MAP3K13: variants seen among roughly 807,000 people sequenced by gnomAD.
The protein encoded by MAP3K13 is mitogen-activated protein kinase kinase kinase 13, also known as leucine zipper-bearing kinase.
A neutral mutation model predicts 104.0 loss-of-function variants in MAP3K13; 52 were observed. The observed-to-expected ratio is 0.50, with a 90% CI of 0.40 to 0.63. The LOEUF (loss-of-function observed/expected upper bound fraction) is 0.63. Among genes scored for constraint, MAP3K13 ranks in the 20% least tolerant of loss-of-function variants. The pLI is 0.00. For missense variants in MAP3K13, 914 were observed against 1,218.5 expected, an observed-to-expected ratio of 0.75 and a Z score of 3.72; for synonymous variants, 394 against 442.2, an observed-to-expected ratio of 0.89 and a Z score of 1.37.
intron 1 of MAP3K13, among the ~76,000 whole-genome samples, chr3:185,363,830 A>G (rs1723748815): frequency 6.6e-6 from 1 of 152,204 alleles, no homozygotes; most frequent in South Asian, 2.1e-4. Flanking sequence ...TTTGTTTCAT[A>G]TTGTGTAACA....
At chr3:185,406,819 A>G (rs9842230) in intron 1 of MAP3K13, among the ~76,000 whole-genome samples, 131,999 of 152,172 alleles carry the variant, frequency 0.87, 57,592 homozygotes, top group African/African-American at 0.96. Context: ...GTCTTCTGAG[A>G]TTGAATGGAT....
chr3:185,488,513 G>A lies in MAP3K13; in HGVS notation c.*6057G>A, dbSNP rs1021463245. The A allele has an allele frequency of 3.9e-5, 6 of 152,282 alleles. No individual in the cohort carries two copies. Among genetic ancestry groups the A allele is most frequent in the African/African-American group, 1.4e-4 (6 of 41,470 alleles). The allele number at this position is 152,282 out of a possible 1,614,324, so 9.4% of individuals were successfully genotyped here. A position where few individuals can be genotyped will look rare whatever the true frequency, so the allele number is the denominator to read the frequency against. On this transcript the variant is annotated 3_prime_UTR_variant, in exon 14 of 14. Transcript: ENST00000265026. ...CACTGCTCTGAGAAACAGGAGGTGG[G>A]TTAAGGCTTTTGTTAACTGTCATGT... is the stretch of plus-strand genomic sequence containing the variant.
chr3:185,428,445 G>A, intron 1 of MAP3K13, 52 bp from the exon 2 acceptor site: 3 of 1,164,948 alleles, frequency 2.6e-6, no homozygotes, highest in East Asian at 2.6e-5. Context: ...AAGTGTCGTA[G>A]TGTGCATACT....
At chr3:185,296,309 T>C (rs1356393244) in intron 2 of MAP3K13, among the ~76,000 whole-genome samples, 3 of 152,142 alleles carry the variant, frequency 2.0e-5, no homozygotes, top group African/African-American at 7.2e-5. Context: ...CAAGTCCTTA[T>C]AATGGTCTCC....
At chr3:185,477,592 A>G (rs1315713879) in intron 12 of MAP3K13, among the ~76,000 whole-genome samples, 196 bp downstream of exon 12, 2 of 152,232 alleles carry the variant, frequency 1.3e-5, no homozygotes, top group Non-Finnish European at 2.9e-5. Flanking sequence ...GTTCATTAGC[A>G]TTCATTTTAC....
At chr3:185,449,461 T>C (rs1387096085) in intron 5 of MAP3K13, among the ~76,000 whole-genome samples, 1 of 152,112 alleles carries the variant, frequency 6.6e-6, no homozygotes, top group Non-Finnish European at 1.5e-5. Context: ...GTTTCATTTT[T>C]CTATTTAAAT....
intron 1 of MAP3K13, among the ~76,000 whole-genome samples, chr3:185,399,511 G>A (rs1207812707): frequency 2.0e-5 from 3 of 151,358 alleles, no homozygotes; most frequent in Non-Finnish European, 4.4e-5. Context: ...GGGAGGCTGA[G>A]GTAGGAGAAT....
intron 1 of MAP3K13, among the ~76,000 whole-genome samples, chr3:185,386,971 G>T (rs1206608757): frequency 6.6e-6 from 1 of 152,134 alleles, no homozygotes; most frequent in Non-Finnish European, 1.5e-5. Context: ...AATGCCTGGG[G>T]AATGGGATGA....
intron 2 of MAP3K13, among the ~76,000 whole-genome samples, chr3:185,313,466 T>A (rs1299932797): frequency 6.6e-6 from 1 of 151,854 alleles, no homozygotes; most frequent in Non-Finnish European, 1.5e-5. Flanking sequence ...AGACGGAGTT[T>A]CGCTGTGTTA....
chr3:185,334,261 T>C (rs761996946), intron 2 of MAP3K13, among the ~76,000 whole-genome samples: 6 of 152,228 alleles, frequency 3.9e-5, no homozygotes, highest in African/African-American at 2.4e-5. Context: ...GTAGATCTAA[T>C]GCATTCCCAA....
chr3:185,357,228 T>TCA (rs1723397627), intron 2 of MAP3K13, among the ~76,000 whole-genome samples: 1 of 151,246 alleles, frequency 6.6e-6, no homozygotes, highest in Non-Finnish European at 1.5e-5. Context: ...GCGGATCACC[T>TCA]GAGGTCAGGA....
chr3:185,311,112 A>G (rs1721481120), intron 2 of MAP3K13, among the ~76,000 whole-genome samples: 1 of 152,224 alleles, frequency 6.6e-6, no homozygotes, highest in Non-Finnish European at 1.5e-5. Context: ...TTTCCTAGGA[A>G]TATTCCTACT....
chr3:185,292,814 A>G (rs1720790110), intron 2 of MAP3K13: 2 of 985,140 alleles, frequency 2.0e-6, no homozygotes, highest in African/African-American at 1.7e-5. Context: ...GAGCACGAAT[A>G]TATATTCCCC....
At chr3:185,371,594 A>G (rs1275335143) in intron 1 of MAP3K13, among the ~76,000 whole-genome samples, 1 of 152,234 alleles carries the variant, frequency 6.6e-6, no homozygotes, top group African/African-American at 2.4e-5. Context: ...GATTCACAAA[A>G]GGCCAGAGAA....
chr3:185,437,896 G>A (rs1248916958), intron 3 of MAP3K13, among the ~76,000 whole-genome samples: 2 of 152,160 alleles, frequency 1.3e-5, no homozygotes, highest in Non-Finnish European at 2.9e-5. Context: ...AAGGGAAAAT[G>A]TGGGTTCCTG....
chr3:185,473,563 C>T lies in MAP3K13; in HGVS notation c.2232C>T (p.Asp744=). Residue 744 remains aspartate, a synonymous_variant, in exon 11 of 14, where the codon GAC becomes GAT. Coordinates refer to ENST00000265026, the MANE Select transcript of MAP3K13 (RefSeq NM_004721.5). The surrounding 1 kb of genome is among the most constrained non-coding windows in gnomAD (Gnocchi z 4.9). The part of the protein sequence containing the change: ...QCRPEQYGSL[D]IPSAEPVGRS... ...GGCCAGAACAGTATGGGTCCTTAGA[C>T]ATACCCTCTGCTGAGCCAGTGGGGA... 6.2e-7 allele frequency: 1 copy of T among 1,614,220 alleles called. No individual in the cohort carries two copies. The highest frequency in any genetic ancestry group is 1.1e-5 in the South Asian group (1 of 91,090).
intron 2 of MAP3K13, among the ~76,000 whole-genome samples, chr3:185,287,300 T>G (rs1002411608): frequency 1.3e-5 from 2 of 152,210 alleles, no homozygotes; most frequent in African/African-American, 4.8e-5. Flanking sequence ...GAATTGCTAT[T>G]TAGGGACTTT....
upstream of MAP3K13, among the ~76,000 whole-genome samples, chr3:185,360,776 T>C (rs1304898479): frequency 6.6e-6 from 1 of 152,006 alleles, no homozygotes; most frequent in East Asian, 1.9e-4. Context: ...AGTAATTTTG[T>C]TGCTGTCAAA....
At chr3:185,410,740 G>A (rs568712841) in intron 1 of MAP3K13, among the ~76,000 whole-genome samples, 1 of 152,152 alleles carries the variant, frequency 6.6e-6, no homozygotes, top group Non-Finnish European at 1.5e-5. Flanking sequence ...TTCAAAACCA[G>A]CCTGGCCAAC....
Sources: allele counts gnomAD v4.1 joint callset (sites outside exome capture counted in the v4.1 genomes callset), GRCh38; gene constraint gnomAD v4.1.1; non-coding constraint Gnocchi (gnomAD v3.1); transcripts MANE v1.5; gene names NCBI Gene and HGNC (gene_info 2026-07-23, HGNC 2026-07-21).